The following PIK3C2A variants were observed in gnomAD, a reference collection of about 807,000 sequenced individuals.
PIK3C2A encodes the protein phosphatidylinositol 4-phosphate 3-kinase C2 domain-containing subunit alpha.
In PIK3C2A, 97 loss-of-function variants were observed where a neutral mutation model predicts 204.5. That is an observed-to-expected ratio of 0.47 (90% CI 0.40 to 0.56). The LOEUF is 0.56. Ranked by LOEUF, PIK3C2A falls within the 20% of genes least tolerant of loss-of-function variation. The probability of loss-of-function intolerance (pLI) is 0.00; values close to 1 mark genes in which losing one functional copy is unlikely to be tolerated. For synonymous variants in PIK3C2A, 653 were observed against 664.4 expected (o/e 0.98, Z 0.26); for missense variants, 1,735 against 1,969.2 (o/e 0.88, Z 2.25).
At chr11:17,182,261 C>T (rs573231245) in intron 1 of PIK3C2A, among the ~76,000 whole-genome samples, 2 of 152,044 alleles carry the variant, frequency 1.3e-5, no homozygotes, top group Non-Finnish European at 2.9e-5. Context: ...GATTTGTGCA[C>T]TTTTCTGTGC....
At chr11:17,195,128 T>C (rs981315128) in intron 1 of PIK3C2A, among the ~76,000 whole-genome samples, 10 of 151,970 alleles carry the variant, frequency 6.6e-5, no homozygotes, top group African/African-American at 1.9e-4. Context: ...ATTAGAAATA[T>C]AGGGGGCCGG....
Position 17,181,659 on chromosome 11 carries a change from T to TACAC in PIK3C2A, c.-65-11857_-65-11854dup, listed in dbSNP as rs71047535. 5.1e-3 allele frequency among the ~76,000 whole-genome samples: 578 copies of TACAC among 112,956 alleles called. 11 individuals carry two copies. Among genetic ancestry groups the TACAC allele is most frequent in the African/African-American group, 0.014 (325 of 22,552 alleles). The allele number at this position is 112,956 out of a possible 152,430, so 74.1% of individuals were successfully genotyped here. On this transcript the variant is annotated intron_variant, in intron 1 of 32. Transcript: ENST00000691414. ...ATATATATATATATATATATATATA[T>TACAC]ACACACACACACACACACACACACA...
chr11:17,101,767 C>A (rs1443297950), intron 24 of PIK3C2A, among the ~76,000 whole-genome samples: 1 of 150,620 alleles, frequency 6.6e-6, no homozygotes, highest in Non-Finnish European at 1.5e-5. Context: ...CCACGCCCGG[C>A]TAATTTTTTG....
rs12283841 is a variant in PIK3C2A, at chr11:17,145,794, C to A, written c.1641-63G>T. 1,659 of 1,551,266 alleles carry A rather than the reference C, an allele frequency of 1.1e-3. 26 individuals carry two copies. In the African/African-American group the frequency reaches 0.02, roughly 19 times the overall value. ...ACACACAAAATGATTGTTTTCATCA[C>A]CAAAATAAGTGTATTTGCATCCAAA... is the stretch of plus-strand genomic sequence containing the variant. On this transcript the variant is annotated intron_variant, in intron 7 of 32. Coordinates refer to ENST00000691414, the MANE Select transcript of PIK3C2A (RefSeq NM_002645.4).
intron 13 of PIK3C2A, among the ~76,000 whole-genome samples, chr11:17,125,157 T>A (rs1849482888): frequency 6.6e-6 from 1 of 152,222 alleles, no homozygotes; most frequent in African/African-American, 2.4e-5. Context: ...TAGGAAGGCA[T>A]TTTCACAGAT....
intron 3 of PIK3C2A, among the ~76,000 whole-genome samples, chr11:17,151,595 C>T (rs546343217): frequency 6.6e-6 from 1 of 152,268 alleles, no homozygotes. Flanking sequence ...GATTATACTA[C>T]TTATTAGCTG....
intron 13 of PIK3C2A, among the ~76,000 whole-genome samples, chr11:17,128,693 T>C (rs1329575336): frequency 2.6e-5 from 4 of 152,190 alleles, no homozygotes; most frequent in African/African-American, 4.8e-5. Context: ...AATTAAAATA[T>C]TCAGCTGAAA....
At chr11:17,099,322 G>C (rs1848548583) in intron 26 of PIK3C2A, among the ~76,000 whole-genome samples, 1 of 152,144 alleles carries the variant, frequency 6.6e-6, no homozygotes, top group Non-Finnish European at 1.5e-5. Flanking sequence ...AAACACCAAA[G>C]GTCTCCATGG....
chr11:17,102,849 A>C lies in PIK3C2A; in HGVS notation c.3682-18T>G. On this transcript the variant is annotated intron_variant, in intron 23 of 32. Transcript: ENST00000691414. ...TCTGAAGCCTATAAAAAACATACAC[A>C]ATTATTTTAGAAAATGAATTATTTT... 6.7e-7 allele frequency: 1 copy of C among 1,496,742 alleles called. No homozygotes were observed. The highest frequency in any genetic ancestry group is 9.1e-7 in the Non-Finnish European group (1 of 1,096,984). The allele number at this position is 1,496,742 out of a possible 1,614,324, so 92.7% of individuals were successfully genotyped here.
intron 6 of PIK3C2A, 99 bp downstream of exon 6, chr11:17,147,418 A>C (rs1275690122): frequency 1.5e-6 from 1 of 673,130 alleles, no homozygotes; most frequent in Non-Finnish European, 2.7e-6. Flanking sequence ...CCCCATTCTA[A>C]CTATGAAATC....
intron 1 of PIK3C2A, among the ~76,000 whole-genome samples, chr11:17,194,998 T>C (rs369000813): frequency 4.6e-5 from 7 of 152,214 alleles, no homozygotes; most frequent in African/African-American, 1.7e-4. Context: ...TCTCCAAATT[T>C]TGTTACGTTA....
At chr11:17,144,606 T>C (rs1261464287) in intron 8 of PIK3C2A, among the ~76,000 whole-genome samples, 1 of 152,006 alleles carries the variant, frequency 6.6e-6, no homozygotes, top group African/African-American at 2.4e-5. Flanking sequence ...GTCAAGAATA[T>C]AGTCTTGGCT....
chr11:17,143,840 G>A (rs1446322407), intron 8 of PIK3C2A, among the ~76,000 whole-genome samples: 2 of 152,086 alleles, frequency 1.3e-5, no homozygotes, highest in Non-Finnish European at 2.9e-5. Context: ...GGGAGGCTGA[G>A]GTGGGAGAAT....
At chr11:17,096,240 T>C (rs1848452044) in intron 27 of PIK3C2A, among the ~76,000 whole-genome samples, 1 of 145,278 alleles carries the variant, frequency 6.9e-6, no homozygotes. Context: ...GGTTTCACCA[T>C]GTTGGCCAGG....
chr11:17,099,462 G>A (rs1848551928), intron 26 of PIK3C2A, among the ~76,000 whole-genome samples: 2 of 152,152 alleles, frequency 1.3e-5, no homozygotes, highest in South Asian at 2.1e-4. Flanking sequence ...CAGGAGAATC[G>A]CTTGAACCCA....
At chr11:17,146,295 G>C (rs1222679019) in intron 6 of PIK3C2A, among the ~76,000 whole-genome samples, 2 of 152,190 alleles carry the variant, frequency 1.3e-5, no homozygotes, top group Non-Finnish European at 2.9e-5. Flanking sequence ...GTAGAAAACA[G>C]ATGGAGGTCA....
At chr11:17,190,137 C>A (rs1235263804) in intron 1 of PIK3C2A, among the ~76,000 whole-genome samples, 2 of 152,036 alleles carry the variant, frequency 1.3e-5, no homozygotes, top group Admixed American at 6.6e-5. Context: ...GTGACGCGTG[C>A]CTGTAATCCC....
intron 11 of PIK3C2A, among the ~76,000 whole-genome samples, chr11:17,132,405 C>G (rs910402986): frequency 6.2e-5 from 9 of 144,198 alleles, no homozygotes; most frequent in African/African-American, 2.3e-4. Flanking sequence ...TCTCGGCTCA[C>G]TGCAAGCTCT....
rs549441232 is a variant in PIK3C2A at position 17,168,901 on chromosome 11, C to T, written c.841G>A (p.Val281Met). ...LDLDPLSKPK[V>M]DNVEVLDHEE... ...TGGTCTAATACCTCCACATTATCCA[C>T]CTTAGGCTTACTTAGAGGATCCAAG... is the stretch of plus-strand genomic sequence containing the variant. Residue 281 changes from valine (V) to methionine (M), a missense_variant, in exon 2 of 33, where the codon GTG becomes ATG. Physicochemically the swap from Val to Met is conservative, Grantham distance 21. This residue lies in a region of PIK3C2A where 536 missense variants were observed against 546.7 expected (regional missense o/e 0.98). Coordinates refer to ENST00000691414, the MANE Select transcript of PIK3C2A (RefSeq NM_002645.4). 52 of 1,614,142 alleles carry T rather than the reference C, an allele frequency of 3.2e-5. 1 individual carries two copies. The South Asian group carries it at 5.6e-4, about 17-fold the overall frequency.
Sources: allele counts gnomAD v4.1 joint callset (sites outside exome capture counted in the v4.1 genomes callset), GRCh38; gene constraint gnomAD v4.1.1; regional missense constraint gnomAD v4.1.1; transcripts MANE v1.5; gene names NCBI Gene and HGNC (gene_info 2026-07-23, HGNC 2026-07-21).